Variants in EYS observed in about 807,000 individuals in gnomAD.
EYS encodes the protein protein eyes shut homolog.
EYS carries 250 observed loss-of-function variants against 282.1 expected under a neutral mutation model. The ratio of observed to expected loss-of-function variants is 0.89; its 90% CI spans 0.80 to 0.98. The LOEUF is 0.98. Among genes scored for constraint, EYS ranks in the 50% least tolerant of loss-of-function variants. The probability of loss-of-function intolerance (pLI) is 0.00; values close to 1 mark genes in which losing one functional copy is unlikely to be tolerated. For synonymous variants in EYS, 1,355 were observed against 1,282.9 expected (o/e 1.06, Z -1.20); for missense variants, 4,016 against 3,709.0 (o/e 1.08, Z -2.15).
rs143369059 is a variant in EYS at position 65,399,461 on chromosome 6, A to G, written c.1184+3017T>C. Among the ~76,000 whole-genome samples, 946 of 152,138 alleles carry G rather than the reference A, an allele frequency of 6.2e-3. 36 individuals are homozygous for G. The highest frequency in any genetic ancestry group is 0.052 in the East Asian group (267 of 5,180). ...ATTCTATACATAGCATAGTAAAATA[A>G]TTTAGAAATACAGACATGAATAAAA... On this transcript the variant is annotated intron_variant, in intron 7 of 42. Coordinates refer to ENST00000503581, the MANE Select transcript of EYS (RefSeq NM_001142800.2).
At chr6:64,729,374 CTA>C (rs1771879745) in intron 22 of EYS, among the ~76,000 whole-genome samples, 1 of 152,136 alleles carries the variant, frequency 6.6e-6, no homozygotes, top group African/African-American at 2.4e-5. Flanking sequence ...TTGAACGTGG[CTA>C]TGTGACTTGC....
At chr6:64,019,850 G>GTATATA in intron 33 of EYS, among the ~76,000 whole-genome samples, 1 of 143,528 alleles carries the variant, frequency 7.0e-6, no homozygotes, top group African/African-American at 2.6e-5. Flanking sequence ...GTATATATAA[G>GTATATA]TATATATATA....
At position 64,864,385 on chromosome 6, in the gene EYS, C is replaced by CTTTTTTTTTTTTTTTTTTTTTTTTTTTT; in HGVS notation, c.2992+22311_2992+22312insAAAAAAAAAAAAAAAAAAAAAAAAAAAA. Among the ~76,000 whole-genome samples, 316 of 57,178 alleles carry CTTTTTTTTTTTTTTTTTTTTTTTTTTTT rather than the reference C, an allele frequency of 5.5e-3. 72 individuals are homozygous for CTTTTTTTTTTTTTTTTTTTTTTTTTTTT. Among genetic ancestry groups the CTTTTTTTTTTTTTTTTTTTTTTTTTTTT allele is most frequent in the Middle Eastern group, 0.031 (3 of 96 alleles). 37.5% of individuals were successfully genotyped at this position (57,178 alleles called of 152,430 possible). On this transcript the variant is annotated intron_variant, in intron 19 of 42. Coordinates refer to ENST00000503581, the MANE Select transcript of EYS (RefSeq NM_001142800.2). ...GAGAAATACAGAGGTGCTATACCTT[C>CTTTTTTTTTTTTTTTTTTTTTTTTTTTT]TTTTTTTTTTTTTTTTTTTTTGACA...
chr6:63,821,438 G>C (rs887384427), intron 36 of EYS: 39 of 152,178 alleles, frequency 2.6e-4, no homozygotes, highest in African/African-American at 9.4e-4. Flanking sequence ...AAGAGGGAAG[G>C]GTTTTAGAAA....
chr6:64,935,550 C>T (rs1046341864), intron 15 of EYS, among the ~76,000 whole-genome samples: 23 of 151,498 alleles, frequency 1.5e-4, no homozygotes, highest in Non-Finnish European at 7.4e-5. Flanking sequence ...CTTTCCAAAA[C>T]TGAAAAACCA....
intron 12 of EYS, among the ~76,000 whole-genome samples, chr6:65,180,984 C>A (rs62407237): frequency 2.6e-5 from 4 of 151,822 alleles, no homozygotes; most frequent in South Asian, 4.2e-4. Context: ...TAAATGGTGC[C>A]GGGAAAACTG....
At chr6:63,748,559 C>T (rs189889735) in intron 41 of EYS, among the ~76,000 whole-genome samples, 126 of 152,142 alleles carry the variant, frequency 8.3e-4, no homozygotes, top group East Asian at 4.3e-3. Flanking sequence ...TTAGTAGGAA[C>T]GGTATCAGCT....
At chr6:64,249,261 AT>A (rs1404406756) in intron 30 of EYS, among the ~76,000 whole-genome samples, 1 of 152,110 alleles carries the variant, frequency 6.6e-6, no homozygotes, top group African/African-American at 2.4e-5. Flanking sequence ...CCGTTATCTT[AT>A]TTGAAATAAG....
At chr6:64,938,447 T>A (rs1000967336) in intron 15 of EYS, among the ~76,000 whole-genome samples, 8 of 151,768 alleles carry the variant, frequency 5.3e-5, no homozygotes, top group African/African-American at 1.9e-4. Context: ...GTGCCTAACT[T>A]ATATTTAAAC....
intron 22 of EYS, among the ~76,000 whole-genome samples, chr6:64,667,537 A>G (rs983739809): frequency 2.0e-5 from 3 of 151,644 alleles, no homozygotes; most frequent in Admixed American, 6.6e-5. Flanking sequence ...ATTTCCTTAT[A>G]TATTTTATGA....
chr6:63,902,461 C>T (rs1432748203), intron 35 of EYS, among the ~76,000 whole-genome samples: 4 of 151,960 alleles, frequency 2.6e-5, no homozygotes, highest in Non-Finnish European at 5.9e-5. Context: ...ACAAAGGGAT[C>T]TATATTTTTT....
intron 7 of EYS, among the ~76,000 whole-genome samples, chr6:65,400,224 A>AAAT (rs1385018113): frequency 6.6e-6 from 1 of 152,024 alleles, no homozygotes; most frequent in East Asian, 1.9e-4. Context: ...ACCACCACCC[A>AAAT]AATACTGGTC....
intron 31 of EYS, among the ~76,000 whole-genome samples, chr6:64,133,476 T>TCACACACACACACA (rs61088369): frequency 3.5e-5 from 5 of 142,354 alleles, no homozygotes; most frequent in African/African-American, 7.7e-5. Flanking sequence ...TTGCATTACT[T>TCACACACACACACA]CACACACACA....
intron 31 of EYS, among the ~76,000 whole-genome samples, chr6:64,086,184 A>G (rs1772151392): frequency 6.6e-6 from 1 of 151,862 alleles, no homozygotes; most frequent in Non-Finnish European, 1.5e-5. Context: ...AAGCTTAGAA[A>G]CTCAGCATCA....
intron 8 of EYS, 123 bp from the exon 9 acceptor site, chr6:65,353,740 C>T: frequency 1.4e-6 from 1 of 698,226 alleles, no homozygotes; most frequent in Non-Finnish European, 2.5e-6. Context: ...ATGGGACACA[C>T]TTTTTATACT....
intron 1 of EYS, among the ~76,000 whole-genome samples, chr6:65,700,366 G>A (rs1769629779): frequency 6.6e-6 from 1 of 151,964 alleles, no homozygotes; most frequent in African/African-American, 2.4e-5. Context: ...GAGTCTGCAA[G>A]AGCTTTTGAC....
chr6:64,750,936 T>C (rs1262535753), intron 22 of EYS, among the ~76,000 whole-genome samples: 1 of 152,056 alleles, frequency 6.6e-6, no homozygotes, highest in African/African-American at 2.4e-5. Context: ...AAGAACTTGG[T>C]GCAGCAGCAC....
intron 22 of EYS, among the ~76,000 whole-genome samples, chr6:64,701,169 T>C (rs942630183): frequency 1.3e-5 from 2 of 152,098 alleles, no homozygotes; most frequent in Non-Finnish European, 1.5e-5. Flanking sequence ...GATTGCCATA[T>C]GCCGAATAAC....
chr6:64,332,980 A>G (rs1451433653), intron 29 of EYS, among the ~76,000 whole-genome samples: 5 of 152,116 alleles, frequency 3.3e-5, no homozygotes, highest in African/African-American at 1.2e-4. Context: ...ACTTTCACCT[A>G]TGGTTATAAA....
Sources: allele counts gnomAD v4.1 joint callset (sites outside exome capture counted in the v4.1 genomes callset), GRCh38; gene constraint gnomAD v4.1.1; transcripts MANE v1.5; gene names NCBI Gene and HGNC (gene_info 2026-07-23, HGNC 2026-07-21).